The following CMIP variants were observed in gnomAD, a reference collection of about 807,000 sequenced individuals.
The protein encoded by CMIP is C-Maf-inducing protein.
In CMIP, 13 loss-of-function variants were observed where a neutral mutation model predicts 97.3. The observed-to-expected ratio is 0.13, with a 90% CI of 0.09 to 0.21. CMIP has a LOEUF of 0.21. Among genes scored for constraint, CMIP ranks in the 10% least tolerant of loss-of-function variants. The pLI is 1.00. For synonymous variants in CMIP, 538 were observed against 436.3 expected, an observed-to-expected ratio of 1.23 and a Z score of -2.91; for missense variants, 847 against 1,024.9, an observed-to-expected ratio of 0.83 and a Z score of 2.37.
chr16:81,445,667 C>T, intron 1 of CMIP, 126 bp downstream of exon 1: 1 of 1,087,472 alleles, frequency 9.2e-7, no homozygotes, highest in Non-Finnish European at 1.3e-6. Context: ...GCCGGGGGAA[C>T]GGGGAGAACC....
chr16:81,606,328 C>T (rs909836086), intron 1 of CMIP, among the ~76,000 whole-genome samples: 2 of 152,198 alleles, frequency 1.3e-5, no homozygotes, highest in African/African-American at 4.8e-5. Context: ...TAAATGATTG[C>T]CATGTGCCCA....
intron 1 of CMIP, among the ~76,000 whole-genome samples, chr16:81,458,544 G>A (rs1906702295): frequency 6.6e-6 from 1 of 152,120 alleles, no homozygotes; most frequent in Admixed American, 6.5e-5. Context: ...CAGCCATTCT[G>A]GGAAGCTTTG....
At chr16:81,632,193 G>A (rs1009647963) in intron 3 of CMIP, among the ~76,000 whole-genome samples, 2 of 152,066 alleles carry the variant, frequency 1.3e-5, no homozygotes, top group African/African-American at 2.4e-5. Flanking sequence ...CCAGTTCCTT[G>A]TCCTGCCAGA....
intron 10 of CMIP, among the ~76,000 whole-genome samples, chr16:81,680,762 TC>T (rs1313822989): frequency 6.6e-6 from 1 of 152,168 alleles, no homozygotes; most frequent in Non-Finnish European, 1.5e-5. Flanking sequence ...TGGAGGGGGC[TC>T]CCTGCTCTGA....
chr16:81,513,537 G>T (rs2089853553), intron 1 of CMIP, among the ~76,000 whole-genome samples: 1 of 152,242 alleles, frequency 6.6e-6, no homozygotes, highest in Non-Finnish European at 1.5e-5. Flanking sequence ...CCGTGTCGGG[G>T]ACACCTTCCT....
chr16:81,671,944 C>T, intron 8 of CMIP, 22 bp from the exon 9 acceptor site: 7 of 1,422,342 alleles, frequency 4.9e-6, no homozygotes, highest in African/African-American at 1.4e-5. Context: ...GCTTCTCACC[C>T]CAGCCCTCTG....
chr16:81,610,497 G>T (rs778866009), intron 2 of CMIP: 1 of 985,538 alleles, frequency 1.0e-6, no homozygotes, highest in South Asian at 4.7e-5. Flanking sequence ...TAATGAGGGA[G>T]CAGCAGACAC....
In CMIP at chr16:81,487,624, A is replaced by T. The variant is rs546822346; in HGVS notation, c.300+42083A>T. 2.6e-5 allele frequency among the ~76,000 whole-genome samples: 4 copies of T among 152,290 alleles called. No individual in the cohort carries two copies. The Middle Eastern group carries it at 0.014, about 518-fold the overall frequency. ...GGTCAGAGAGCGGCTGAGTTCAGATATCATTTCCTAGCTCTGTGACACTGG... is the reference window on the plus strand; with the variant it reads ...GGTCAGAGAGCGGCTGAGTTCAGATTTCATTTCCTAGCTCTGTGACACTGG... On this transcript the variant is annotated intron_variant, in intron 1 of 20. Transcript: ENST00000537098.
chr16:81,604,777 G>C (rs2091715095), intron 1 of CMIP, among the ~76,000 whole-genome samples: 1 of 152,202 alleles, frequency 6.6e-6, no homozygotes, highest in African/African-American at 2.4e-5. Context: ...TGCAACTTCA[G>C]ATCAAAGCCA....
At chr16:81,544,298 T>C (rs562412246) in intron 1 of CMIP, among the ~76,000 whole-genome samples, 1 of 152,214 alleles carries the variant, frequency 6.6e-6, no homozygotes, top group East Asian at 1.9e-4. Flanking sequence ...GGCTGGAGGG[T>C]CATGCAAGTG....
chr16:81,459,462 C>A (rs1906774491), intron 1 of CMIP, among the ~76,000 whole-genome samples: 1 of 152,180 alleles, frequency 6.6e-6, no homozygotes, highest in South Asian at 2.1e-4. Flanking sequence ...CTAACCCCAG[C>A]CACCAAGCTC....
intron 1 of CMIP, among the ~76,000 whole-genome samples, chr16:81,556,891 G>A (rs149571658): frequency 5.3e-5 from 8 of 152,348 alleles, no homozygotes; most frequent in African/African-American, 1.4e-4. Context: ...TCAAGGCTGA[G>A]GAAAGCGTAA....
chr16:81,473,955 G>C (rs1266123121), intron 1 of CMIP, among the ~76,000 whole-genome samples: 1 of 152,046 alleles, frequency 6.6e-6, no homozygotes, highest in Non-Finnish European at 1.5e-5. Flanking sequence ...CACAGGCCTG[G>C]CTCAGCTCTA....
chr16:81,602,010 C>A (rs13333536), intron 1 of CMIP, among the ~76,000 whole-genome samples: 1,990 of 152,258 alleles, frequency 0.013, 42 homozygotes, highest in African/African-American at 0.046. Flanking sequence ...CCAGTAATTC[C>A]ATTTCTGGGA....
chr16:81,534,806 T>A (rs2090310462), intron 1 of CMIP, among the ~76,000 whole-genome samples: 1 of 152,244 alleles, frequency 6.6e-6, no homozygotes, highest in Non-Finnish European at 1.5e-5. Context: ...AGTGTGCCCT[T>A]TTCCCATTGC....
chr16:81,669,682 T>C (rs1202743360), intron 7 of CMIP, among the ~76,000 whole-genome samples: 1 of 93,846 alleles, frequency 1.1e-5, no homozygotes, highest in Non-Finnish European at 2.1e-5. Flanking sequence ...CTCACCTCCT[T>C]CCACACCCAC....
chr16:81,495,568 C>A (rs571615007), intron 1 of CMIP: 2 of 1,509,652 alleles, frequency 1.3e-6, no homozygotes, highest in African/African-American at 1.4e-5. Flanking sequence ...TGCTGCTGGC[C>A]ACAGGCCAGT....
intron 1 of CMIP, among the ~76,000 whole-genome samples, chr16:81,499,730 C>A (rs969701907): frequency 6.6e-6 from 1 of 152,230 alleles, no homozygotes; most frequent in South Asian, 2.1e-4. Context: ...CTCAGCTTCC[C>A]CGTCCAGTCC....
At chr16:81,542,445 C>T (rs1314438855) in intron 1 of CMIP, among the ~76,000 whole-genome samples, 3 of 152,052 alleles carry the variant, frequency 2.0e-5, no homozygotes, top group Non-Finnish European at 2.9e-5. Context: ...GCATGGCGTG[C>T]GTGATCTTGA....
Sources: allele counts gnomAD v4.1 joint callset (sites outside exome capture counted in the v4.1 genomes callset), GRCh38; gene constraint gnomAD v4.1.1; transcripts MANE v1.5; gene names NCBI Gene and HGNC (gene_info 2026-07-23, HGNC 2026-07-21).